Variants in XPO4 observed in about 807,000 individuals in gnomAD.
The protein encoded by XPO4 is exportin-4.
XPO4 carries 39 observed loss-of-function variants against 143.0 expected under a neutral mutation model. That is an observed-to-expected ratio of 0.27 (90% CI 0.21 to 0.36). XPO4 has a LOEUF of 0.36. Among genes scored for constraint, XPO4 ranks in the 10% least tolerant of loss-of-function variants. The pLI, the probability that XPO4 is intolerant of heterozygous loss-of-function variation, is 1.00. For missense variants in XPO4, 907 were observed against 1,348.0 expected (o/e 0.67, Z 5.12); for synonymous variants, 439 against 474.0 (o/e 0.93, Z 0.96).
intron 4 of XPO4, among the ~76,000 whole-genome samples, chr13:20,845,507 T>A (rs908151356): frequency 3.3e-5 from 5 of 152,200 alleles, no homozygotes; most frequent in African/African-American, 1.2e-4. Flanking sequence ...ACTGCCTTTG[T>A]ATGGCCCCAG....
Position 20,897,785 on chromosome 13 carries a change from C to T in XPO4, c.69+4885G>A, listed in dbSNP as rs191596957. ...ATTCTATTTTTTTGAGACAGAGTCC[C>T]GCTCTACAGCCCAGGCTGGAGTGCA... On this transcript the variant is annotated intron_variant, in intron 1 of 22. Coordinates refer to ENST00000255305, the MANE Select transcript of XPO4 (RefSeq NM_022459.5). Among the ~76,000 whole-genome samples, 381 of 152,300 alleles carry T rather than the reference C, an allele frequency of 2.5e-3. 1 individual carries two copies. Among genetic ancestry groups the T allele is most frequent in the Non-Finnish European group, 3.9e-3 (264 of 68,024 alleles).
chr13:20,821,714 A>G lies in XPO4; in HGVS notation c.1163T>C (p.Leu388Ser). ...LTCSFGRSAA[L>S]EEVLDKDDMV... is the part of the protein sequence containing the mutation. The stretch of plus-strand genomic sequence containing the variant: ...AGAATAGTCACTCACCACTTCTTCC[A>G]ATGCAGCACTTCGCCCAAAAGAACA... The change falls in exon 9 of 23, where the codon TTG becomes TCG. Residue 388 changes from leucine to serine, a missense_variant. By Grantham distance (145) the Leu-to-Ser change is moderately radical. Coordinates refer to ENST00000255305, the MANE Select transcript of XPO4 (RefSeq NM_022459.5). 1 of 1,612,770 alleles carries G rather than the reference A, an allele frequency of 6.2e-7. No homozygotes were observed. The highest frequency in any genetic ancestry group is 8.5e-7 in the Non-Finnish European group (1 of 1,179,332).
At chr13:20,861,567 A>C (rs1465552522) in intron 3 of XPO4, among the ~76,000 whole-genome samples, 2 of 152,060 alleles carry the variant, frequency 1.3e-5, no homozygotes, top group Non-Finnish European at 2.9e-5. Context: ...AAGTGCTGGA[A>C]TTATAGGCAT....
chr13:20,891,267 C>A (rs569908864), intron 1 of XPO4, among the ~76,000 whole-genome samples: 9 of 151,708 alleles, frequency 5.9e-5, no homozygotes, highest in Non-Finnish European at 1.2e-4. Flanking sequence ...GTGGCTACCA[C>A]ATTGGAGAGA....
chr13:20,800,018 T>G (rs2059411537), intron 15 of XPO4, 138 bp downstream of exon 15: 2 of 937,894 alleles, frequency 2.1e-6, no homozygotes, highest in South Asian at 4.9e-5. Context: ...TTAAAACCCA[T>G]TACTCCAAAA....
At chr13:20,901,796 G>T (rs2060622676) in intron 1 of XPO4, among the ~76,000 whole-genome samples, 1 of 152,170 alleles carries the variant, frequency 6.6e-6, no homozygotes, top group African/African-American at 2.4e-5. Context: ...ATCAATCCAG[G>T]TATCAAATGA....
intron 6 of XPO4, among the ~76,000 whole-genome samples, chr13:20,831,804 ATTTTT>A (rs34302388): frequency 2.3e-5 from 2 of 88,786 alleles, no homozygotes; most frequent in African/African-American, 4.4e-5. Context: ...TAGTACAGTG[ATTTTT>A]TTTTTTTTTT....
At position 20,896,927 on chromosome 13, in the gene XPO4, T is replaced by C. The variant is rs570824603; in HGVS notation, c.69+5743A>G. Among the ~76,000 whole-genome samples the C allele has an allele frequency of 1.6e-3, 243 of 152,354 alleles. 1 individual carries two copies. Among genetic ancestry groups the C allele is most frequent in the African/African-American group, 5.7e-3 (237 of 41,598 alleles). Reference sequence around the variant, plus strand: ...AATTTTAACAACTGCCTTTTAGGCATCTATGGATGATTTCAAATGCCTTTT... The same window carrying C: ...AATTTTAACAACTGCCTTTTAGGCACCTATGGATGATTTCAAATGCCTTTT... On this transcript the variant is annotated intron_variant, in intron 1 of 22. Coordinates refer to ENST00000255305, the MANE Select transcript of XPO4 (RefSeq NM_022459.5).
chr13:20,848,891 T>C (rs2060056103), intron 4 of XPO4: 1 of 985,286 alleles, frequency 1.0e-6, no homozygotes, highest in South Asian at 4.7e-5. Context: ...TCTAATTGTC[T>C]TCTTTCATTG....
chr13:20,852,186 A>G (rs2060096477), intron 4 of XPO4: 1 of 985,462 alleles, frequency 1.0e-6, no homozygotes, highest in African/African-American at 1.7e-5. Flanking sequence ...ATAAATAGAT[A>G]GATCTCAGAG....
intron 9 of XPO4, among the ~76,000 whole-genome samples, chr13:20,813,907 A>G (rs2059615369): frequency 6.6e-6 from 1 of 151,884 alleles, no homozygotes; most frequent in Non-Finnish European, 1.5e-5. Flanking sequence ...GCTGTGAGCC[A>G]ATATTACGCC....
intron 6 of XPO4, among the ~76,000 whole-genome samples, chr13:20,838,262 G>C (rs2059938285): frequency 6.6e-6 from 1 of 152,090 alleles, no homozygotes; most frequent in African/African-American, 2.4e-5. Context: ...GTCAGCTTCA[G>C]CTGGTTTTCC....
At chr13:20,842,221 C>CA (rs2059982785) in intron 6 of XPO4, among the ~76,000 whole-genome samples, 1 of 152,130 alleles carries the variant, frequency 6.6e-6, no homozygotes, top group South Asian at 2.1e-4. Flanking sequence ...AATGGGTAGT[C>CA]ACTGTATATT....
intron 6 of XPO4, among the ~76,000 whole-genome samples, chr13:20,830,055 G>C (rs748969181): frequency 6.6e-6 from 1 of 152,142 alleles, no homozygotes; most frequent in African/African-American, 2.4e-5. Flanking sequence ...AATGGCTCAT[G>C]TAACATCAGA....
chr13:20,788,474 T>C lies in XPO4; in HGVS notation c.3047+12A>G, dbSNP rs1014394468. ...AAGTAACAAGTAACAGTGATGTTCA[T>C]TTAAAGGATATGATGTCATTCCTAA... On this transcript the variant is annotated intron_variant, in intron 20 of 22. Transcript: ENST00000255305. 1.2e-6 allele frequency: 2 copies of C among 1,607,030 alleles called. No individual in the cohort carries two copies. The highest frequency in any genetic ancestry group is 1.7e-6 in the Non-Finnish European group (2 of 1,178,058).
chr13:20,847,752 G>A, intron 4 of XPO4, among the ~76,000 whole-genome samples: 1 of 152,038 alleles, frequency 6.6e-6, no homozygotes, highest in Non-Finnish European at 1.5e-5. Flanking sequence ...TCGGATCAAA[G>A]TTGACTAACT....
intron 20 of XPO4, among the ~76,000 whole-genome samples, 177 bp downstream of exon 20, chr13:20,788,309 G>A (rs947891727): frequency 3.3e-5 from 5 of 152,006 alleles, no homozygotes; most frequent in South Asian, 2.1e-4. Flanking sequence ...CACCCGCCTC[G>A]GCCTCCCAAA....
intron 9 of XPO4, among the ~76,000 whole-genome samples, chr13:20,818,638 T>G (rs1217779825): frequency 2.0e-5 from 3 of 152,180 alleles, no homozygotes; most frequent in Non-Finnish European, 2.9e-5. Flanking sequence ...AAAAAATAAT[T>G]TTAAAAAATT....
intron 9 of XPO4, among the ~76,000 whole-genome samples, chr13:20,818,776 G>C (rs1439128521): frequency 6.6e-6 from 1 of 152,002 alleles, no homozygotes; most frequent in Non-Finnish European, 1.5e-5. Context: ...ACATGTTATT[G>C]CTTGTAATAA....
Sources: gnomAD v4.1 joint callset for allele counts (sites outside exome capture counted in the v4.1 genomes callset) on GRCh38, gnomAD v4.1.1 for gene constraint, MANE v1.5 for transcripts, NCBI Gene and HGNC (gene_info 2026-07-23, HGNC 2026-07-21) for gene names.